Variants in AIRE observed in about 807,000 individuals in gnomAD.
The protein encoded by AIRE is autoimmune regulator, also known as autoimmune polyendocrinopathy candidiasis ectodermal dystrophy protein.
Under a neutral mutation model 62.1 loss-of-function variants are expected in AIRE, and 52 were observed. The ratio of observed to expected loss-of-function variants is 0.84; its 90% CI spans 0.67 to 1.06. The LOEUF (loss-of-function observed/expected upper bound fraction) is 1.06, where lower values mean the gene tolerates loss of function less well. AIRE is among the 50% of genes least tolerant of loss of function. The pLI, the probability that AIRE is intolerant of heterozygous loss-of-function variation, is 0.00. For missense variants in AIRE, 774 were observed against 755.8 expected, an observed-to-expected ratio of 1.02 and a Z score of -0.28; for synonymous variants, 342 against 321.6, an observed-to-expected ratio of 1.06 and a Z score of -0.68.
At chr21:44,293,224 C>T in intron 10 of AIRE, 49 bp downstream of exon 10, 3 of 1,474,084 alleles carry the variant, frequency 2.0e-6, no homozygotes, top group Non-Finnish European at 2.7e-6. Context: ...AGCCCAGGAC[C>T]TACGGGGCGG....
At chr21:44,291,237 C>A in intron 8 of AIRE, 27 bp downstream of exon 8, 1 of 1,596,542 alleles carries the variant, frequency 6.3e-7, no homozygotes. Context: ...GCCAGCGCAA[C>A]CAGGCCACCC....
Position 44,286,672 on chromosome 21 carries a change from A to G in AIRE, c.248A>G (p.Lys83Arg). 2 of 1,613,086 alleles carry G rather than the reference A, an allele frequency of 1.2e-6. No individual in the cohort carries two copies. Among genetic ancestry groups the G allele is most frequent in the Middle Eastern group, 1.7e-4 (1 of 6,060 alleles). ...CTGGACTTCTGGAGGGTGCTGTTCAAGGACTACAACCTGGAGCGCTATGGC... is the reference window on the plus strand; with the variant it reads ...CTGGACTTCTGGAGGGTGCTGTTCAGGGACTACAACCTGGAGCGCTATGGC... ...AILDFWRVLF[K>R]DYNLERYGRL... Residue 83 changes from lysine to arginine, a missense_variant, in exon 2 of 14, where the codon AAG becomes AGG. Lys to Arg is a conservative substitution (Grantham distance 26). Coordinates refer to ENST00000291582, the MANE Select transcript of AIRE (RefSeq NM_000383.4). This position sits in a 1 kb window ranked among gnomAD's most constrained non-coding sequence, Gnocchi z 6.0.
intron 5 of AIRE, chr21:44,289,278 A>AC (rs11454989): frequency 0.21 from 59,842 of 291,446 alleles, 11,686 homozygotes; most frequent in African/African-American, 0.62. Context: ...TGGGCTCAGG[A>AC]CCCACCGCTC....
At chr21:44,290,245 G>A in intron 7 of AIRE, 177 bp downstream of exon 7, 1 of 985,122 alleles carries the variant, frequency 1.0e-6, no homozygotes, top group Non-Finnish European at 1.2e-6. Flanking sequence ...AATACGCAAT[G>A]GTAATAGTTT....
chr21:44,293,850 C>G lies in AIRE; in HGVS notation c.1340C>G (p.Thr447Ser), dbSNP rs754936533. The change falls in exon 11 of 14, where the codon ACT (threonine) becomes AGT (serine). Residue 447 changes from threonine (T) to serine (S), a missense_variant. Around this residue, in one of 3 missense-constraint regions of AIRE, gnomAD observed 354 missense variants for 296.1 expected, o/e 1.20. Coordinates refer to ENST00000291582, the MANE Select transcript of AIRE (RefSeq NM_000383.4). ...GATGGTACGGACGTGCTGCGGTGTA[C>G]TCACTGCGCCGCTGCCTTCCACTGG... ...CGDGTDVLRC[T>S]HCAAAFHWRC... is the part of the protein sequence containing the mutation. The G allele has an allele frequency of 6.3e-6, 10 of 1,596,850 alleles. No homozygotes were observed. In the South Asian group the frequency reaches 8.8e-5, roughly 14 times the overall value.
chr21:44,290,889 C>G (rs1243284630), intron 7 of AIRE: 2 of 1,608,992 alleles, frequency 1.2e-6, no homozygotes, highest in Non-Finnish European at 1.7e-6. Flanking sequence ...GGGATGGCCC[C>G]GGGGGGTGTC....
In AIRE at chr21:44,287,194, C is replaced by A. The variant is rs2040491359; in HGVS notation, c.463+61C>A. On this transcript the variant is annotated intron_variant, in intron 3 of 13. Coordinates refer to ENST00000291582, the MANE Select transcript of AIRE (RefSeq NM_000383.4). This position sits in a 1 kb window ranked among gnomAD's most constrained non-coding sequence, Gnocchi z 4.3. The stretch of plus-strand genomic sequence containing the variant: ...CAGTCTTCCCGGGCTTCCCCGGGAG[C>A]CCACGCCCCCTCCCCACCCGGGCTC... 1.3e-6 allele frequency: 2 copies of A among 1,590,334 alleles called. No homozygotes were observed. The highest frequency in any genetic ancestry group is 1.3e-5 in the African/African-American group (1 of 74,512).
intron 11 of AIRE, 94 bp from the exon 12 acceptor site, chr21:44,294,307 A>C (rs1271473814): frequency 4.0e-4 from 83 of 209,382 alleles, no homozygotes; most frequent in South Asian, 6.1e-4. Flanking sequence ...CCCATCCCCC[A>C]CTCACCACCC....
chr21:44,293,015 C>A lies in AIRE; in HGVS notation c.1118C>A (p.Ala373Glu), dbSNP rs79212994. 2 of 1,612,418 alleles carry A rather than the reference C, an allele frequency of 1.2e-6. No individual in the cohort carries two copies. The highest frequency in any genetic ancestry group is 1.7e-6 in the Non-Finnish European group (2 of 1,179,804). ...ETPLPPGLRS[A>E]GEEVRGPPGE... Reference sequence around the variant, plus strand: ...CAGCTCCCCCCGGGGCTTAGGTCGGCGGGAGAGGAGGTAAGAGGTCCACCT... The same window carrying A: ...CAGCTCCCCCCGGGGCTTAGGTCGGAGGGAGAGGAGGTAAGAGGTCCACCT... Residue 373 changes from alanine (A) to glutamate (E), a missense_variant, in exon 10 of 14, where the codon GCG (alanine) becomes GAG (glutamate). Ala to Glu is a moderately radical substitution (Grantham distance 107). Around this residue, in one of 3 missense-constraint regions of AIRE, gnomAD observed 354 missense variants for 296.1 expected, o/e 1.20. Coordinates refer to ENST00000291582, the MANE Select transcript of AIRE (RefSeq NM_000383.4).
At chr21:44,293,725 G>T in intron 10 of AIRE, 64 bp from the exon 11 acceptor site, 1 of 1,591,834 alleles carries the variant, frequency 6.3e-7, no homozygotes, top group South Asian at 1.1e-5. Context: ...CACAGGGCTC[G>T]GGTTCGGGTT....
At chr21:44,296,635 C>T (rs1386309157) in intron 13 of AIRE, among the ~76,000 whole-genome samples, 190 bp downstream of exon 13, 3 of 147,152 alleles carry the variant, frequency 2.0e-5, no homozygotes, top group East Asian at 2.0e-4. Context: ...CCACAGGAGC[C>T]CCCCTAGCCC....
intron 12 of AIRE, among the ~76,000 whole-genome samples, chr21:44,295,079 CG>C (rs1486905257): frequency 4.0e-5 from 6 of 151,602 alleles, no homozygotes; most frequent in Non-Finnish European, 7.4e-5. Flanking sequence ...AGGCCCGAGT[CG>C]CTGCTGCAGG....
At chr21:44,292,967 C>T (rs756388891) in intron 9 of AIRE, 26 bp from the exon 10 acceptor site, 1 of 1,610,222 alleles carries the variant, frequency 6.2e-7, no homozygotes, top group South Asian at 1.1e-5. Flanking sequence ...CCCGCTGCCC[C>T]TCTGATGCTG....
In AIRE at chr21:44,297,850, C is replaced by G; in HGVS notation, c.*123C>G. ...GACAGCGCCACCTCTTGTCAGTGCT[C>G]GGCTGTAAACAGCTCTGTGTTTCTG... On this transcript the variant is annotated 3_prime_UTR_variant, in exon 14 of 14. Coordinates refer to ENST00000291582, the MANE Select transcript of AIRE (RefSeq NM_000383.4). The surrounding 1 kb of genome is among the most constrained non-coding windows in gnomAD (Gnocchi z 4.8). 2.3e-6 allele frequency: 2 copies of G among 883,908 alleles called. No homozygotes were observed. The highest frequency in any genetic ancestry group is 5.3e-5 in the East Asian group (2 of 37,712). 54.8% of individuals were successfully genotyped at this position (883,908 alleles called of 1,614,324 possible). A position where few individuals can be genotyped will look rare whatever the true frequency, so the allele number is the denominator to read the frequency against.
At chr21:44,292,462 C>T in intron 9 of AIRE, 61 bp downstream of exon 9, 3 of 1,168,622 alleles carry the variant, frequency 2.6e-6, no homozygotes, top group Non-Finnish European at 3.6e-6. Flanking sequence ...ACGCCCCCTC[C>T]TAGGCTGGGC....
chr21:44,293,083 C>G lies in AIRE; in HGVS notation c.1186C>G (p.His396Asp), dbSNP rs752157686. Residue 396 changes from histidine to aspartate, a missense_variant, in exon 10 of 14, where the codon CAC (histidine) becomes GAC (aspartate). By Grantham distance (81) the His-to-Asp change is moderately conservative. This residue lies in a region of AIRE where 354 missense variants were observed against 296.1 expected (regional missense o/e 1.20). Coordinates refer to ENST00000291582, the MANE Select transcript of AIRE (RefSeq NM_000383.4). ...CATGGACACGACTCTTGTCTACAAG[C>G]ACCTGCCGGCTCCGCCTTCTGCAGC... ...AGMDTTLVYKHLPAPPSAAPL... is the reference protein window; with the variant it reads ...AGMDTTLVYKDLPAPPSAAPL... 1 of 1,611,450 alleles carries G rather than the reference C, an allele frequency of 6.2e-7. No homozygotes were observed. Among genetic ancestry groups the G allele is most frequent in the Non-Finnish European group, 8.5e-7 (1 of 1,179,512 alleles).
rs574598107 is a variant in AIRE, at chr21:44,297,739, C to T, written c.*12C>T. ...CCTTCCCCTCCTGACCCCAGATGGC[C>T]GGGACATGCAGCTCTGATGAGAGAG... On this transcript the variant is annotated 3_prime_UTR_variant, in exon 14 of 14. Transcript: ENST00000291582. This position sits in a 1 kb window ranked among gnomAD's most constrained non-coding sequence, Gnocchi z 4.8. The T allele has an allele frequency of 2.9e-5, 47 of 1,605,912 alleles. No homozygotes were observed. The highest frequency in any genetic ancestry group is 3.3e-5 in the Non-Finnish European group (39 of 1,174,168).
In AIRE at chr21:44,288,652, T is replaced by A. The variant is rs2040505404; in HGVS notation, c.652+194T>A. 2.1e-5 allele frequency: 12 copies of A among 579,844 alleles called. No homozygotes were observed. In the South Asian group the frequency reaches 2.5e-4, roughly 12 times the overall value. 35.9% of individuals were successfully genotyped at this position (579,844 alleles called of 1,614,324 possible). On this transcript the variant is annotated intron_variant, in intron 5 of 13. Transcript: ENST00000291582. ...ACTGAAGTCTCCCTGTCGGGGGACC[T>A]TCTGCAAGGCCAGCGGTCCAGGCCC... is the stretch of plus-strand genomic sequence containing the variant.
rs767362769 is a variant in AIRE at position 44,287,151 on chromosome 21, G to A, written c.463+18G>A. ...CAGCCCAGGTACCCTCCCTGCAGGG[G>A]AAGCCAGCCAGGGTCTCCAGTCTTC... On this transcript the variant is annotated intron_variant, in intron 3 of 13. Coordinates refer to ENST00000291582, the MANE Select transcript of AIRE (RefSeq NM_000383.4). This position sits in a 1 kb window ranked among gnomAD's most constrained non-coding sequence, Gnocchi z 4.3. 2.5e-6 allele frequency: 4 copies of A among 1,611,166 alleles called. No homozygotes were observed. The highest frequency in any genetic ancestry group is 1.7e-6 in the Non-Finnish European group (2 of 1,179,796).
Sources: gnomAD v4.1 joint callset for allele counts (sites outside exome capture counted in the v4.1 genomes callset) on GRCh38, gnomAD v4.1.1 for gene constraint, gnomAD v4.1.1 regional missense constraint, Gnocchi (gnomAD v3.1) non-coding constraint, MANE v1.5 for transcripts, NCBI Gene and HGNC (gene_info 2026-07-23, HGNC 2026-07-21) for gene names.